Variants in TPPP observed in about 807,000 individuals in gnomAD.
TPPP encodes tubulin polymerization-promoting protein.
Under a neutral mutation model 15.5 loss-of-function variants are expected in TPPP, and 6 were observed. The observed-to-expected ratio is 0.39, with a 90% confidence interval of 0.21 to 0.77. The LOEUF (loss-of-function observed/expected upper bound fraction) is 0.77. Ranked by LOEUF, TPPP falls within the 30% of genes least tolerant of loss-of-function variation. The probability of loss-of-function intolerance (pLI) is 0.42; values close to 1 mark genes in which losing one functional copy is unlikely to be tolerated. For synonymous variants in TPPP, 146 were observed against 133.9 expected (o/e 1.09, Z -0.63); for missense variants, 269 against 307.2 (o/e 0.88, Z 0.93).
In TPPP at chr5:664,785, T is replaced by C; in HGVS notation, c.*317A>G. On this transcript the variant is annotated 3_prime_UTR_variant, in exon 4 of 4. Transcript: ENST00000360578. ...CCTGTTGCCATGACAGCCAGCTGCTTTAAAACGCCCCTTTGACCTGCAAAC... is the reference window on the plus strand; with the variant it reads ...CCTGTTGCCATGACAGCCAGCTGCTCTAAAACGCCCCTTTGACCTGCAAAC... The C allele has an allele frequency of 3.4e-6, 1 of 296,116 alleles. No individual in the cohort carries two copies. Among genetic ancestry groups the C allele is most frequent in the South Asian group, 5.5e-5 (1 of 18,222 alleles). The allele number at this position is 296,116 out of a possible 1,614,324, so 18.3% of individuals were successfully genotyped here.
chr5:676,819 C>T (rs1175088056), intron 2 of TPPP, among the ~76,000 whole-genome samples: 5 of 99,984 alleles, frequency 5.0e-5, no homozygotes, highest in South Asian at 5.4e-4. Flanking sequence ...GAAACACATG[C>T]ACACATGCGC....
intron 1 of TPPP, among the ~76,000 whole-genome samples, chr5:679,359 G>A (rs1294353835): frequency 7.1e-6 from 1 of 140,440 alleles, no homozygotes; most frequent in Non-Finnish European, 1.5e-5. Context: ...CCCAGCGGAG[G>A]ATGCAGGGGC....
Position 667,848 on chromosome 5 carries a change from G to A in TPPP, c.312-1725C>T, listed in dbSNP as rs550715991. Reference sequence around the variant, plus strand: ...GACAAGCACACGGAGAGGGGTCCGCGTGGGCGCCGTCAGGGAAGTACCGAC... The same window carrying A: ...GACAAGCACACGGAGAGGGGTCCGCATGGGCGCCGTCAGGGAAGTACCGAC... On this transcript the variant is annotated intron_variant, in intron 2 of 3. Coordinates refer to ENST00000360578, the MANE Select transcript of TPPP (RefSeq NM_007030.3). Among the ~76,000 whole-genome samples, 817 of 134,012 alleles carry A rather than the reference G, an allele frequency of 6.1e-3. 8 individuals are homozygous for A. The highest frequency in any genetic ancestry group is 0.013 in the South Asian group (50 of 3,914). 87.9% of individuals were successfully genotyped at this position (134,012 alleles called of 152,430 possible). A position where few individuals can be genotyped will look rare whatever the true frequency, so the allele number is the denominator to read the frequency against.
chr5:677,005 C>CACAGAAACGCACACACG (rs1740469750), intron 2 of TPPP, among the ~76,000 whole-genome samples: 2 of 145,606 alleles, frequency 1.4e-5, no homozygotes, highest in Non-Finnish European at 3.0e-5. Context: ...CACACGTGCA[C>CACAGAAACGCACACACG]ACGCAGAAAC....
chr5:693,626 C>T (rs1316489012), upstream of TPPP, among the ~76,000 whole-genome samples: 1 of 151,802 alleles, frequency 6.6e-6, no homozygotes, highest in African/African-American at 2.4e-5. Context: ...TCGTGGGAAC[C>T]GCTGGGCAGG....
intron 1 of TPPP, among the ~76,000 whole-genome samples, chr5:685,740 C>T (rs965647334): frequency 9.8e-5 from 15 of 152,314 alleles, no homozygotes; most frequent in Admixed American, 7.2e-4. Flanking sequence ...CAGCGCCCAG[C>T]GTGGCCACTC....
In TPPP at chr5:677,871, C is replaced by A. The variant is rs144404274; in HGVS notation, c.190G>T (p.Ala64Ser). The A allele has an allele frequency of 1.9e-6, 3 of 1,612,648 alleles. No homozygotes were observed. The highest frequency in any genetic ancestry group is 2.5e-6 in the Non-Finnish European group (3 of 1,179,814). The change falls in exon 2 of 4, where the codon GCC becomes TCC. Residue 64 changes from alanine (A) to serine (S), a missense_variant. Coordinates refer to ENST00000360578, the MANE Select transcript of TPPP (RefSeq NM_007030.3). The part of the protein sequence containing the change: ...AFRRFAVHGD[A>S]RATGREMHGK... ...TGCATCTCCCTCCCGGTGGCCCTGG[C>A]GTCCCCGTGCACGGCAAAGCGCCGG...
At chr5:669,086 C>T (rs1018679994) in intron 2 of TPPP, among the ~76,000 whole-genome samples, 34 of 152,266 alleles carry the variant, frequency 2.2e-4, no homozygotes, top group African/African-American at 8.2e-4. Context: ...CGGGGTCCCA[C>T]AGCTCAGACC....
intron 1 of TPPP, among the ~76,000 whole-genome samples, chr5:678,819 G>T (rs1740535815): frequency 6.6e-6 from 1 of 152,222 alleles, no homozygotes; most frequent in Admixed American, 6.5e-5. Context: ...GGGCCATGGG[G>T]TTGAGAAGAC....
At chr5:679,322 G>A (rs1044061425) in intron 1 of TPPP, among the ~76,000 whole-genome samples, 25 of 151,906 alleles carry the variant, frequency 1.6e-4, no homozygotes, top group Admixed American at 1.4e-3. Flanking sequence ...CCCTTTCCCT[G>A]GAAGGCACCA....
intron 2 of TPPP, among the ~76,000 whole-genome samples, chr5:677,369 C>G (rs957975295): frequency 2.0e-5 from 3 of 152,234 alleles, no homozygotes; most frequent in African/African-American, 4.8e-5. Flanking sequence ...TGCCCCCACT[C>G]CTGGGGAAGC....
the TPPP span, among the ~76,000 whole-genome samples, chr5:698,519 T>A: frequency 3.3e-5 from 5 of 151,964 alleles, no homozygotes; most frequent in African/African-American, 1.2e-4. Context: ...TGGGGAGGCC[T>A]CCCAGTCATG....
intron 1 of TPPP, among the ~76,000 whole-genome samples, chr5:679,231 T>C (rs1740549754): frequency 1.3e-5 from 2 of 152,024 alleles, no homozygotes; most frequent in South Asian, 4.1e-4. Flanking sequence ...ATCCCACAAA[T>C]TCCCCCAAAA....
intron 2 of TPPP, among the ~76,000 whole-genome samples, chr5:668,498 A>T (rs376270930): frequency 1.2e-4 from 18 of 152,328 alleles, no homozygotes; most frequent in East Asian, 9.7e-4. Context: ...GGAAGTGCAG[A>T]TGGAAACCAC....
chr5:682,446 C>T (rs1240814843), intron 1 of TPPP, among the ~76,000 whole-genome samples: 2 of 150,500 alleles, frequency 1.3e-5, no homozygotes, highest in Admixed American at 6.6e-5. Flanking sequence ...GCCCCTTGGG[C>T]CTGGAGCCTG....
Position 677,957 on chromosome 5 carries a change from G to A in TPPP, c.104C>T (p.Ser35Leu), listed in dbSNP as rs370108467. ...DRAAKRLSLE[S>L]EGAGEGAAAS... ...GGCTGCCCCCTCACCAGCACCCTCC[G>A]ATTCCAGCGACAGCCTCTTGGCTGC... Residue 35 changes from serine (S) to leucine (L), a missense_variant, in exon 2 of 4, where the codon TCG becomes TTG. Ser to Leu is a moderately radical substitution (Grantham distance 145). Coordinates refer to ENST00000360578, the MANE Select transcript of TPPP (RefSeq NM_007030.3). 5.2e-5 allele frequency: 83 copies of A among 1,611,090 alleles called. No individual in the cohort carries two copies. The Middle Eastern group carries it at 6.6e-4, about 13-fold the overall frequency.
intron 2 of TPPP, among the ~76,000 whole-genome samples, chr5:677,242 C>T: frequency 6.6e-6 from 1 of 152,212 alleles, no homozygotes; most frequent in Admixed American, 6.5e-5. Context: ...ATGGCCAGCT[C>T]CATGCATGGG....
rs1349219477 is a variant in TPPP at position 661,008 on chromosome 5, A to C, written c.*4094T>G. The C allele has an allele frequency of 6.6e-6, 1 of 152,276 alleles. No individual in the cohort carries two copies. The highest frequency in any genetic ancestry group is 1.5e-5 in the Non-Finnish European group (1 of 68,054). The allele number at this position is 152,276 out of a possible 1,614,324, so 9.4% of individuals were successfully genotyped here. On this transcript the variant is annotated 3_prime_UTR_variant, in exon 4 of 4. Coordinates refer to ENST00000360578, the MANE Select transcript of TPPP (RefSeq NM_007030.3). Reference sequence around the variant, plus strand: ...ATATATCTTCTACAATATTTTAAACATATAATTTGAACTTTAATTTTGGTA... The same window carrying C: ...ATATATCTTCTACAATATTTTAAACCTATAATTTGAACTTTAATTTTGGTA...
At chr5:672,685 G>T (rs372812786) in intron 2 of TPPP, among the ~76,000 whole-genome samples, 1 of 152,328 alleles carries the variant, frequency 6.6e-6, no homozygotes, top group East Asian at 1.9e-4. Flanking sequence ...TCGAGGAGGC[G>T]CTGGGAGATT....
Sources: gnomAD v4.1 joint callset for allele counts (sites outside exome capture counted in the v4.1 genomes callset) on GRCh38, gnomAD v4.1.1 for gene constraint, MANE v1.5 for transcripts, NCBI Gene and HGNC (gene_info 2026-07-23, HGNC 2026-07-21) for gene names.